SEC16A: variants seen among roughly 807,000 people sequenced by gnomAD.
SEC16A encodes the protein protein transport protein Sec16A.
Under a neutral mutation model 221.9 loss-of-function variants are expected in SEC16A, and 110 were observed. The ratio of observed to expected loss-of-function variants is 0.50; its 90% confidence interval spans 0.42 to 0.58. The LOEUF (loss-of-function observed/expected upper bound fraction) is 0.58. SEC16A is among the 20% of genes least tolerant of loss of function. The probability of loss-of-function intolerance (pLI) is 0.00; values close to 1 mark genes in which losing one functional copy is unlikely to be tolerated. For missense variants in SEC16A, 3,165 were observed against 3,097.8 expected (o/e 1.02, Z -0.52); for synonymous variants, 1,393 against 1,257.7 (o/e 1.11, Z -2.28).
intron 23 of SEC16A, among the ~76,000 whole-genome samples, chr9:136,450,025 G>A (rs1318269248): frequency 1.3e-5 from 2 of 152,084 alleles, no homozygotes; most frequent in East Asian, 3.9e-4. Flanking sequence ...CCAACATGGT[G>A]AAACCCCATC....
intron 28 of SEC16A, among the ~76,000 whole-genome samples, chr9:136,446,314 G>A (rs1836973909): frequency 6.6e-6 from 1 of 151,388 alleles, no homozygotes; most frequent in Admixed American, 6.6e-5. Flanking sequence ...TCACCATGTT[G>A]GCCAGGCTGG....
chr9:136,455,844 AGCGCTGCCCGCCTGCCACCACC>A (rs1838574095), intron 19 of SEC16A, 51 bp from the exon 20 acceptor site: 8 of 1,508,804 alleles, frequency 5.3e-6, no homozygotes, highest in Non-Finnish European at 7.1e-6. Flanking sequence ...GCCGCTCTGC[AGCGCTGCCCGCCTGCCACCACC>A]GCGCTTGCTG....
chr9:136,467,412 G>A (rs1396613143), intron 5 of SEC16A, among the ~76,000 whole-genome samples: 4 of 151,834 alleles, frequency 2.6e-5, no homozygotes, highest in Non-Finnish European at 5.9e-5. Flanking sequence ...ACTATGTTTC[G>A]CAGGCTGTTC....
At chr9:136,482,864 C>G in intron 1 of SEC16A, 74 bp downstream of exon 1, 1 of 598,908 alleles carries the variant, frequency 1.7e-6, no homozygotes, top group Non-Finnish European at 2.1e-6. Flanking sequence ...CCGACCTCCA[C>G]GGCCTGGCTC....
In SEC16A at chr9:136,474,100, C is replaced by G. The variant is rs1841281484; in HGVS notation, c.3516G>C (p.Gln1172His). Residue 1172 changes from glutamine to histidine, a missense_variant, in exon 3 of 32, where the codon CAG (glutamine) becomes CAC (histidine). By Grantham distance (24) the Gln-to-His change is conservative. Coordinates refer to ENST00000684901, the MANE Select transcript of SEC16A (RefSeq NM_014866.2). ...YRPLYDAYQP[Q>H]YSLPYPPEPG... ...GCTCCGGTGGGTACGGCAAAGAGTA[C>G]TGAGGCTGGTAGGCATCGTACAAAG... is the stretch of plus-strand genomic sequence containing the variant. 1.2e-6 allele frequency: 2 copies of G among 1,613,002 alleles called. No individual in the cohort carries two copies. Among genetic ancestry groups the G allele is most frequent in the Non-Finnish European group, 1.7e-6 (2 of 1,179,750 alleles).
intron 4 of SEC16A, among the ~76,000 whole-genome samples, chr9:136,469,776 C>T (rs140890777): frequency 0.01 from 1,591 of 152,318 alleles, 18 homozygotes; most frequent in Non-Finnish European, 0.013. Context: ...GCACACCCGC[C>T]GCTGAGGTTG....
rs759679082 is a variant in SEC16A, at chr9:136,474,352, G to A, written c.3264C>T (p.Pro1088=). The A allele has an allele frequency of 3.0e-5, 48 of 1,612,558 alleles. No homozygotes were observed. In the South Asian group the frequency reaches 3.2e-4, roughly 11 times the overall value. The change falls in exon 3 of 32, where the codon CCC becomes CCT. Residue 1088 remains proline (P), a synonymous_variant. Coordinates refer to ENST00000684901, the MANE Select transcript of SEC16A (RefSeq NM_014866.2). ...FSELSNPESL[P]AQGQAQNSAQ... ...CTGAGTTCTGGGCCTGTCCCTGTGC[G>A]GGCAGACTTTCTGGATTTGACAGCT...
At chr9:136,442,231 C>T (rs773780132) in intron 31 of SEC16A, among the ~76,000 whole-genome samples, 5 of 152,252 alleles carry the variant, frequency 3.3e-5, no homozygotes, top group South Asian at 2.1e-4. Flanking sequence ...CTTGCTCCCT[C>T]GCAAAGCCTC....
upstream of SEC16A, chr9:136,484,613 G>C: frequency 7.3e-7 from 1 of 1,361,464 alleles, no homozygotes; most frequent in South Asian, 1.1e-5. Context: ...CCCTGGGTGG[G>C]AGCCACCCTT....
chr9:136,484,458 C>T, upstream of SEC16A: 1 of 1,206,760 alleles, frequency 8.3e-7, no homozygotes, highest in Non-Finnish European at 1.1e-6. Context: ...CATGCCGGGC[C>T]CACTCACCTG....
intron 3 of SEC16A, among the ~76,000 whole-genome samples, chr9:136,473,809 C>T (rs1181800010): frequency 1.3e-5 from 2 of 152,210 alleles, no homozygotes; most frequent in African/African-American, 4.8e-5. Flanking sequence ...GTATTATAAG[C>T]AATTCAAGAT....
At chr9:136,478,132 T>C (rs1161643142) in intron 2 of SEC16A, among the ~76,000 whole-genome samples, 1 of 152,166 alleles carries the variant, frequency 6.6e-6, no homozygotes, top group African/African-American at 2.4e-5. Context: ...TGGCCAGATA[T>C]GGTGGCTTAC....
At position 136,466,008 on chromosome 9, in the gene SEC16A, T is replaced by C. The variant is rs1564505570; in HGVS notation, c.4257A>G (p.Pro1419=). Residue 1419 remains proline (P), a synonymous_variant, in exon 8 of 32, where the codon CCA becomes CCG. Transcript: ENST00000684901. The surrounding 1 kb of genome is among the most constrained non-coding windows in gnomAD (Gnocchi z 5.5). ...RSNFSSGPGF[P]EYGYPADTVW... is the part of the protein sequence containing the mutation. ...CGGTGTCGGCAGGGTAGCCATACTC[T>C]GGGAAGCCGGGGCCACTGCTGAAAT... is the stretch of plus-strand genomic sequence containing the variant. 1.9e-6 allele frequency: 3 copies of C among 1,613,654 alleles called. No homozygotes were observed. The highest frequency in any genetic ancestry group is 4.5e-5 in the East Asian group (2 of 44,878).
chr9:136,446,860 G>C lies in SEC16A; in HGVS notation c.6787C>G (p.Pro2263Ala). 1.2e-6 allele frequency: 2 copies of C among 1,604,574 alleles called. No homozygotes were observed. The highest frequency in any genetic ancestry group is 1.7e-6 in the Non-Finnish European group (2 of 1,176,720). The change falls in exon 28 of 32, where the codon CCC becomes GCC. Residue 2263 changes from proline (P) to alanine (A), a missense_variant. This residue lies in a region of SEC16A where 1,088 missense variants were observed against 1,089.6 expected (regional missense o/e 1.00). Coordinates refer to ENST00000684901, the MANE Select transcript of SEC16A (RefSeq NM_014866.2). ...GLANPEPAPEPKVLSSAASLP... is the reference protein window; with the variant it reads ...GLANPEPAPEAKVLSSAASLP... ...TTCCCACCGTACCCGCTCACCTTGG[G>C]CTCTGGGGCAGGCTCTGGATTGGCC...
At position 136,476,160 on chromosome 9, in the gene SEC16A, G is replaced by A. The variant is rs1841597626; in HGVS notation, c.1456C>T (p.Gln486Ter). ...LNLDPSSPSD[Q>*]FRYGPLPGPA... ...CCAGGAAGGGGCCCATATCTGAACTGGTCACTCGGGGAGGAAGGGTCCAAA... is the reference window on the plus strand; with the variant it reads ...CCAGGAAGGGGCCCATATCTGAACTAGTCACTCGGGGAGGAAGGGTCCAAA... Residue 486 changes from glutamine (Q) to a stop codon, truncating the protein, a stop_gained, in exon 3 of 32, where the codon CAG (glutamine) becomes TAG (stop). Transcript: ENST00000684901. LOFTEE classifies it high-confidence loss of function. The A allele has an allele frequency of 6.2e-7, 1 of 1,613,750 alleles. No homozygotes were observed. Among genetic ancestry groups the A allele is most frequent in the Non-Finnish European group, 8.5e-7 (1 of 1,179,898 alleles).
intron 8 of SEC16A, among the ~76,000 whole-genome samples, chr9:136,465,747 G>A (rs1439650000): frequency 2.0e-5 from 3 of 152,210 alleles, no homozygotes; most frequent in African/African-American, 7.2e-5. Context: ...GTCGGGGCAG[G>A]CAGGGCAGCT....
Position 136,474,826 on chromosome 9 carries a change from G to A in SEC16A, c.2790C>T (p.Ser930=). Residue 930 remains serine, a synonymous_variant, in exon 3 of 32, where the codon TCC becomes TCT. Transcript: ENST00000684901. ...GAACCAAGTTCTCTGGAACTGGCTG[G>A]GATGGTGGTTGAACCAGCAAATTAG... The part of the protein sequence containing the change: ...QPANLLVQPP[S]QPVPENLVPE... The A allele has an allele frequency of 1.2e-6, 2 of 1,613,958 alleles. No homozygotes were observed. Among genetic ancestry groups the A allele is most frequent in the Non-Finnish European group, 1.7e-6 (2 of 1,179,906 alleles).
At chr9:136,472,180 A>C (rs1264274007) in intron 3 of SEC16A, 69 bp from the exon 4 acceptor site, 4 of 1,585,440 alleles carry the variant, frequency 2.5e-6, no homozygotes, top group Non-Finnish European at 3.5e-6. Context: ...AGCCAGCCTG[A>C]GCTGGAAACA....
At chr9:136,457,640 A>G in intron 17 of SEC16A, 56 bp from the exon 18 acceptor site, 1 of 1,564,328 alleles carries the variant, frequency 6.4e-7, no homozygotes, top group South Asian at 1.2e-5. Flanking sequence ...AGCATCGCCG[A>G]TGGACAAAGC....
Sources: allele counts gnomAD v4.1 joint callset (sites outside exome capture counted in the v4.1 genomes callset), GRCh38; gene constraint gnomAD v4.1.1; regional missense constraint gnomAD v4.1.1; non-coding constraint Gnocchi (gnomAD v3.1); transcripts MANE v1.5; gene names NCBI Gene and HGNC (gene_info 2026-07-23, HGNC 2026-07-21).